The following RNLS variants were observed in gnomAD, a reference collection of about 807,000 sequenced individuals.
RNLS encodes renalase, FAD dependent amine oxidase.
RNLS carries 39 observed loss-of-function variants against 39.8 expected under a neutral mutation model. That is an observed-to-expected ratio of 0.98 (90% CI 0.76 to 1.28). The LOEUF is 1.28. Among genes scored for constraint, RNLS ranks in the 50% most tolerant of loss-of-function variants. RNLS has a pLI of 0.00. For missense variants in RNLS, 410 were observed against 413.3 expected (o/e 0.99, Z 0.07); for synonymous variants, 147 against 150.7 (o/e 0.98, Z 0.18).
chr10:88,206,353 AC>A, the RNLS span, among the ~76,000 whole-genome samples: 1 of 152,120 alleles, frequency 6.6e-6, no homozygotes, highest in African/African-American at 2.4e-5. Flanking sequence ...GGCTAAGAAC[AC>A]TCTTTCTCTG....
chr10:88,572,951 T>A lies in RNLS; in HGVS notation c.478A>T (p.Thr160Ser). Residue 160 changes from threonine (T) to serine (S), a missense_variant, in exon 4 of 7, where the codon ACA (threonine) becomes TCA (serine). Transcript: ENST00000331772. ...TGCAGAATCTCAGGAACTGGCATTG[T>A]GAGAACAATAAGATCAAACTGCTCA... ...SPEQFDLIVL[T>S]MPVPEILQLQ... 1 of 1,614,050 alleles carries A rather than the reference T, an allele frequency of 6.2e-7. No individual in the cohort carries two copies. Among genetic ancestry groups the A allele is most frequent in the Non-Finnish European group, 8.5e-7 (1 of 1,179,944 alleles).
intron 4 of RNLS, among the ~76,000 whole-genome samples, chr10:88,508,844 C>A (rs1845936128): frequency 6.6e-6 from 1 of 152,088 alleles, no homozygotes; most frequent in Non-Finnish European, 1.5e-5. Context: ...CCAATAATGT[C>A]AAATATTCTC....
At position 88,350,375 on chromosome 10, in the gene RNLS, T is replaced by C. The variant is rs574863742; in HGVS notation, c.700+12177A>G. Reference sequence around the variant, plus strand: ...TCGGTATATCTCCTAATGCTATCCCTCCCCCCTCCTCCCACCCCATGACAT... The same window carrying C: ...TCGGTATATCTCCTAATGCTATCCCCCCCCCCTCCTCCCACCCCATGACAT... On this transcript the variant is annotated intron_variant, in intron 5 of 6. Transcript: ENST00000331772. 1.1e-3 allele frequency among the ~76,000 whole-genome samples: 174 copies of C among 152,138 alleles called. 1 individual carries two copies. The highest frequency in any genetic ancestry group is 4.0e-3 in the African/African-American group (164 of 41,518).
chr10:88,485,924 C>T (rs143606970), intron 4 of RNLS, among the ~76,000 whole-genome samples: 12 of 152,106 alleles, frequency 7.9e-5, no homozygotes, highest in African/African-American at 2.9e-4. Flanking sequence ...GTAACCTAGT[C>T]ATTAACCAAT....
At chr10:88,574,005 G>A (rs1850012191) in intron 3 of RNLS, among the ~76,000 whole-genome samples, 2 of 151,988 alleles carry the variant, frequency 1.3e-5, no homozygotes, top group South Asian at 4.2e-4. Flanking sequence ...GCTGGGTATG[G>A]TAGTGCATGC....
At chr10:88,582,375 CT>C in intron 1 of RNLS, 68 bp from the exon 2 acceptor site, 1 of 1,213,570 alleles carries the variant, frequency 8.2e-7, no homozygotes, top group Non-Finnish European at 1.2e-6. Flanking sequence ...TTCAATGCAC[CT>C]TAGGTTACCC....
At chr10:88,491,427 A>C (rs1844870558) in intron 4 of RNLS, among the ~76,000 whole-genome samples, 1 of 152,118 alleles carries the variant, frequency 6.6e-6, no homozygotes, top group Admixed American at 6.6e-5. Flanking sequence ...GGAGCTTCTA[A>C]ATGCCTTGCT....
chr10:88,559,122 T>C (rs1437087092), intron 4 of RNLS, among the ~76,000 whole-genome samples: 1 of 152,178 alleles, frequency 6.6e-6, no homozygotes, highest in Non-Finnish European at 1.5e-5. Flanking sequence ...TCAAGAATTA[T>C]GGAAAATTCT....
chr10:88,582,797 T>C (rs1850685910), intron 1 of RNLS, among the ~76,000 whole-genome samples: 1 of 152,218 alleles, frequency 6.6e-6, no homozygotes, highest in Admixed American at 6.5e-5. Flanking sequence ...CCCACGCCGC[T>C]GTCTCAGGTC....
intron 6 of RNLS, among the ~76,000 whole-genome samples, chr10:88,308,563 C>T (rs184868462): frequency 3.9e-5 from 6 of 152,086 alleles, no homozygotes; most frequent in African/African-American, 1.4e-4. Flanking sequence ...TAGAGAAATG[C>T]AAATCAAAAC....
At chr10:88,412,197 T>G (rs1853700020) in intron 4 of RNLS, among the ~76,000 whole-genome samples, 1 of 152,008 alleles carries the variant, frequency 6.6e-6, no homozygotes, top group Admixed American at 6.6e-5. Flanking sequence ...GAGGAGGGCC[T>G]CAAGTTATGG....
chr10:88,300,447 T>A (rs1200943174), intron 6 of RNLS, among the ~76,000 whole-genome samples: 1 of 152,202 alleles, frequency 6.6e-6, no homozygotes, highest in African/African-American at 2.4e-5. Context: ...CTCTTTTGCT[T>A]CTGAAAAAGT....
intron 6 of RNLS, among the ~76,000 whole-genome samples, chr10:88,312,542 T>C (rs999178977): frequency 3.9e-5 from 6 of 152,136 alleles, no homozygotes; most frequent in Non-Finnish European, 7.3e-5. Flanking sequence ...GTGAAGAGGA[T>C]GGAAGGACTT....
chr10:88,261,519 C>T, the RNLS span, among the ~76,000 whole-genome samples: 1 of 152,060 alleles, frequency 6.6e-6, no homozygotes, highest in African/African-American at 2.4e-5. Context: ...GGAAAGAGTA[C>T]CTCTTATTAG....
At chr10:88,482,831 T>G (rs1463155344) in intron 4 of RNLS, among the ~76,000 whole-genome samples, 2 of 152,184 alleles carry the variant, frequency 1.3e-5, no homozygotes, top group African/African-American at 4.8e-5. Flanking sequence ...CATTTGTTTT[T>G]TGTTTAGTAA....
chr10:88,288,288 C>T (rs763227320), intron 6 of RNLS, among the ~76,000 whole-genome samples: 8 of 152,028 alleles, frequency 5.3e-5, no homozygotes, highest in Non-Finnish European at 1.0e-4. Flanking sequence ...TGCCCAAAGA[C>T]GGAAAGTCAG....
the RNLS span, among the ~76,000 whole-genome samples, chr10:88,200,042 T>A: frequency 6.6e-6 from 1 of 152,166 alleles, no homozygotes; most frequent in Non-Finnish European, 1.5e-5. Context: ...GGTGGGCCAA[T>A]TACTTGAGCC....
intron 4 of RNLS, among the ~76,000 whole-genome samples, chr10:88,523,846 T>C (rs1589951787): frequency 6.6e-6 from 1 of 152,136 alleles, no homozygotes; most frequent in African/African-American, 2.4e-5. Context: ...TCCCTTACCA[T>C]TGAGCCAGGA....
intron 4 of RNLS, among the ~76,000 whole-genome samples, chr10:88,540,041 T>C (rs1847961011): frequency 6.6e-6 from 1 of 152,158 alleles, no homozygotes; most frequent in Non-Finnish European, 1.5e-5. Flanking sequence ...TGGTAAAAAG[T>C]ATCTCAAATA....
Sources: gnomAD v4.1 joint callset for allele counts (sites outside exome capture counted in the v4.1 genomes callset) on GRCh38, gnomAD v4.1.1 for gene constraint, MANE v1.5 for transcripts, NCBI Gene and HGNC (gene_info 2026-07-23, HGNC 2026-07-21) for gene names.